Variants in GRIK5 observed in about 807,000 individuals in gnomAD.
The protein encoded by GRIK5 is glutamate ionotropic receptor kainate type subunit 5.
Under a neutral mutation model 97.4 loss-of-function variants are expected in GRIK5, and 43 were observed. The observed-to-expected ratio is 0.44, with a 90% CI of 0.35 to 0.57. GRIK5 has a LOEUF of 0.57. Ranked by LOEUF, GRIK5 falls within the 20% of genes least tolerant of loss-of-function variation. The probability of loss-of-function intolerance (pLI) is 0.01; values close to 1 mark genes in which losing one functional copy is unlikely to be tolerated. For missense variants in GRIK5, 1,015 were observed against 1,382.0 expected (o/e 0.73, Z 4.21); for synonymous variants, 580 against 583.5 (o/e 0.99, Z 0.09).
chr19:42,048,914 C>T (rs1021881220), intron 11 of GRIK5, among the ~76,000 whole-genome samples: 1 of 151,794 alleles, frequency 6.6e-6, no homozygotes, highest in Non-Finnish European at 1.5e-5. Context: ...TGGTGGTGCA[C>T]GACTGTGGTC....
intron 11 of GRIK5, among the ~76,000 whole-genome samples, chr19:42,046,734 T>C (rs1379832924): frequency 6.6e-6 from 1 of 152,174 alleles, no homozygotes; most frequent in African/African-American, 2.4e-5. Flanking sequence ...TGTGCTTGTA[T>C]ATGCATAGAC....
chr19:42,024,958 C>T (rs1005271492), intron 12 of GRIK5, among the ~76,000 whole-genome samples: 1 of 152,184 alleles, frequency 6.6e-6, no homozygotes, highest in Non-Finnish European at 1.5e-5. Context: ...AAACCACAGG[C>T]GTTTCAGAAG....
At position 42,065,354 on chromosome 19, in the gene GRIK5, C is replaced by T. The variant is rs143068269; in HGVS notation, c.113G>A (p.Arg38His). The T allele has an allele frequency of 3.9e-4, 633 of 1,602,638 alleles. 2 individuals are homozygous for T. Among genetic ancestry groups the T allele is most frequent in the Non-Finnish European group, 4.8e-4 (561 of 1,173,840 alleles). ...AILDDQTVCG[R>H]GERLALALAR... ...CAAGGCCAAGGCCAGACGCTCACCG[C>T]GGCCACACACTGTCTGATCATCCAG... Residue 38 changes from arginine to histidine, a missense_variant, in exon 3 of 20, where the codon CGC becomes CAC. By Grantham distance (29) the Arg-to-His change is conservative. Transcript: ENST00000593562. This position sits in a 1 kb window ranked among gnomAD's most constrained non-coding sequence, Gnocchi z 5.8.
chr19:42,059,519 G>A lies in GRIK5; in HGVS notation c.517C>T (p.Arg173Ter). The A allele has an allele frequency of 6.2e-7, 1 of 1,611,658 alleles. No homozygotes were observed. The highest frequency in any genetic ancestry group is 1.1e-5 in the South Asian group (1 of 91,046). Residue 173 changes from arginine (R) to a stop codon, truncating the protein, a stop_gained, in exon 6 of 20, where the codon CGA becomes TGA. Transcript: ENST00000593562. LOFTEE classifies it high-confidence loss of function. ...LICAKAECLL[R>*]LEELVRGFLI... Reference sequence around the variant, plus strand: ...AAGCCACGCACCAGTTCCTCCAATCGCAGCAGGCCTGAGGGAGGGGTGGGG... The same window carrying A: ...AAGCCACGCACCAGTTCCTCCAATCACAGCAGGCCTGAGGGAGGGGTGGGG...
intron 6 of GRIK5, among the ~76,000 whole-genome samples, chr19:42,058,937 C>G (rs920349779): frequency 8.5e-5 from 13 of 152,066 alleles, no homozygotes; most frequent in African/African-American, 2.2e-4. Context: ...CCAGATCTGA[C>G]TCGGGGCCAG....
At chr19:42,000,957 G>A (rs1044224270) in intron 19 of GRIK5, among the ~76,000 whole-genome samples, 1 of 152,120 alleles carries the variant, frequency 6.6e-6, no homozygotes, top group Admixed American at 6.5e-5. Context: ...GCTGGGGAGA[G>A]ACTACCCCTC....
intron 11 of GRIK5, among the ~76,000 whole-genome samples, chr19:42,046,268 G>T (rs1348820426): frequency 3.9e-5 from 6 of 152,136 alleles, no homozygotes; most frequent in Non-Finnish European, 5.9e-5. Context: ...CAGGACTGGG[G>T]TCTGAGCTTA....
intron 5 of GRIK5, among the ~76,000 whole-genome samples, chr19:42,061,375 C>T (rs576767067): frequency 6.6e-6 from 1 of 152,190 alleles, no homozygotes; most frequent in African/African-American, 2.4e-5. Flanking sequence ...GATGGGATCT[C>T]GCCATGTTGC....
At chr19:42,028,389 C>T (rs955012465) in intron 12 of GRIK5, among the ~76,000 whole-genome samples, 3 of 152,192 alleles carry the variant, frequency 2.0e-5, no homozygotes, top group African/African-American at 7.2e-5. Context: ...TTGCCTGCTG[C>T]GCCCTGCCAG....
chr19:42,004,818 TG>T (rs570528288), intron 17 of GRIK5, among the ~76,000 whole-genome samples: 47 of 152,314 alleles, frequency 3.1e-4, no homozygotes, highest in African/African-American at 1.1e-3. Flanking sequence ...CTTGCTATAT[TG>T]CCCAAGCTGG....
Position 42,065,043 on chromosome 19 carries a change from C to T in GRIK5, c.244+180G>A, listed in dbSNP as rs1296469312. Among the ~76,000 whole-genome samples, 2 of 152,238 alleles carry T rather than the reference C, an allele frequency of 1.3e-5. No individual in the cohort carries two copies. Among genetic ancestry groups the T allele is most frequent in the South Asian group, 2.1e-4 (1 of 4,832 alleles). On this transcript the variant is annotated intron_variant, in intron 3 of 19. Coordinates refer to ENST00000593562, the MANE Select transcript of GRIK5 (RefSeq NM_002088.5). The surrounding 1 kb of genome is among the most constrained non-coding windows in gnomAD (Gnocchi z 5.8). Reference sequence around the variant, plus strand: ...CAGAACTGGGGCTTATGCTCTCCCTCCTCTCCAACCCCCAGGCCCAGCAGC... The same window carrying T: ...CAGAACTGGGGCTTATGCTCTCCCTTCTCTCCAACCCCCAGGCCCAGCAGC...
rs1599845083 is a variant in GRIK5, at chr19:42,059,500, C to T, written c.536G>A (p.Arg179His). 31 of 1,613,198 alleles carry T rather than the reference C, an allele frequency of 1.9e-5. No individual in the cohort carries two copies. The East Asian group carries it at 4.5e-4, about 23-fold the overall frequency. ...CGTCTCCTTGGAGATGAGGAAGCCA[C>T]GCACCAGTTCCTCCAATCGCAGCAG... Reference protein sequence around the residue: ...ECLLRLEELVRGFLISKETLS... With the variant: ...ECLLRLEELVHGFLISKETLS... The change falls in exon 6 of 20, where the codon CGT becomes CAT. Residue 179 changes from arginine (R) to histidine (H), a missense_variant. Physicochemically the swap from Arg to His is conservative, Grantham distance 29 (BLOSUM62 0). This residue lies in a region of GRIK5 where 477 missense variants were observed against 701.1 expected (regional missense o/e 0.68). Coordinates refer to ENST00000593562, the MANE Select transcript of GRIK5 (RefSeq NM_002088.5).
chr19:42,003,325 T>G lies in GRIK5; in HGVS notation c.2514+7A>C. The stretch of plus-strand genomic sequence containing the variant: ...TTCCTGCCCACCCCCACCCCCAGCC[T>G]CCTCACCTCCTCGGACTCAGCTGAC... On this transcript the variant is annotated splice_region_variant and intron_variant, in intron 19 of 19. Coordinates refer to ENST00000593562, the MANE Select transcript of GRIK5 (RefSeq NM_002088.5). This position sits in a 1 kb window ranked among gnomAD's most constrained non-coding sequence, Gnocchi z 4.2. 1 of 834,348 alleles carries G rather than the reference T, an allele frequency of 1.2e-6. No individual in the cohort carries two copies. Among genetic ancestry groups the G allele is most frequent in the African/African-American group, 1.9e-5 (1 of 53,772 alleles). The allele number at this position is 834,348 out of a possible 1,614,324, so 51.7% of individuals were successfully genotyped here. A position where few individuals can be genotyped will look rare whatever the true frequency, so the allele number is the denominator to read the frequency against.
At chr19:42,047,664 C>T (rs1267685199) in intron 11 of GRIK5, among the ~76,000 whole-genome samples, 1 of 151,826 alleles carries the variant, frequency 6.6e-6, no homozygotes, top group Non-Finnish European at 1.5e-5. Context: ...GAATTAAATA[C>T]CCATATGGAA....
intron 11 of GRIK5, among the ~76,000 whole-genome samples, chr19:42,052,827 C>CA (rs1176166713): frequency 6.6e-6 from 1 of 152,224 alleles, no homozygotes; most frequent in African/African-American, 2.4e-5. Context: ...CAGGAGTCAG[C>CA]ATGGTGCAGC....
chr19:42,049,790 G>A (rs990666296), intron 11 of GRIK5, among the ~76,000 whole-genome samples: 4 of 151,974 alleles, frequency 2.6e-5, no homozygotes, highest in African/African-American at 9.7e-5. Context: ...ATTAAAGTAG[G>A]GTAGGTTCTA....
Position 42,022,435 on chromosome 19 carries a change from G to A in GRIK5, c.1474-81C>T. The A allele has an allele frequency of 6.7e-7, 1 of 1,503,730 alleles. No homozygotes were observed. Among genetic ancestry groups the A allele is most frequent in the Non-Finnish European group, 9.0e-7 (1 of 1,108,264 alleles). The allele number at this position is 1,503,730 out of a possible 1,614,324, so 93.1% of individuals were successfully genotyped here. A position where few individuals can be genotyped will look rare whatever the true frequency, so the allele number is the denominator to read the frequency against. ...GGACAGTTAGAGAGAAATGCACGGA[G>A]AGTGAGCAACTGAGGGAGGCGAGAG... On this transcript the variant is annotated intron_variant, in intron 12 of 19. Transcript: ENST00000593562. This position sits in a 1 kb window ranked among gnomAD's most constrained non-coding sequence, Gnocchi z 4.2.
chr19:42,065,402 G>C lies in GRIK5; in HGVS notation c.80-15C>G. On this transcript the variant is annotated splice_polypyrimidine_tract_variant and intron_variant, in intron 2 of 19. Coordinates refer to ENST00000593562, the MANE Select transcript of GRIK5 (RefSeq NM_002088.5). This position sits in a 1 kb window ranked among gnomAD's most constrained non-coding sequence, Gnocchi z 5.8. ...CAGGATTGCAGCTGAGGGGACACAT[G>C]GGTTGGGGACCAGACTCCTGAGTCC... 6.4e-7 allele frequency: 1 copy of C among 1,569,162 alleles called. No individual in the cohort carries two copies. The highest frequency in any genetic ancestry group is 1.2e-5 in the South Asian group (1 of 86,552).
At position 42,006,759 on chromosome 19, in the gene GRIK5, G is replaced by A. The variant is rs374014663; in HGVS notation, c.1923C>T (p.Ala641=). ...CCTCCATGCGCTGCACGGTGAGGAA[G>A]GCGGCCAGGTTGGCCGTGTAGGAGG... is the stretch of plus-strand genomic sequence containing the variant. The part of the protein sequence containing the change: ...IISSYTANLA[A]FLTVQRMEVP... The change falls in exon 16 of 20, where the codon GCC becomes GCT. Residue 641 remains alanine (A), a synonymous_variant. Transcript: ENST00000593562. The surrounding 1 kb of genome is among the most constrained non-coding windows in gnomAD (Gnocchi z 5.3). 10 of 1,613,596 alleles carry A rather than the reference G, an allele frequency of 6.2e-6. No individual in the cohort carries two copies. In the African/African-American group the frequency reaches 9.3e-5, roughly 15 times the overall value.
Sources: gnomAD v4.1 joint callset for allele counts (sites outside exome capture counted in the v4.1 genomes callset) on GRCh38, gnomAD v4.1.1 for gene constraint, gnomAD v4.1.1 regional missense constraint, Gnocchi (gnomAD v3.1) non-coding constraint, MANE v1.5 for transcripts, NCBI Gene and HGNC (gene_info 2026-07-23, HGNC 2026-07-21) for gene names.